Variants in KLHDC1 observed in about 807,000 individuals in gnomAD.
KLHDC1 encodes kelch domain containing 1.
KLHDC1 carries 53 observed loss-of-function variants against 68.3 expected under a neutral mutation model. That is an observed-to-expected ratio of 0.78 (90% CI 0.62 to 0.98). The LOEUF (loss-of-function observed/expected upper bound fraction) is 0.98. KLHDC1 is among the 50% of genes least tolerant of loss of function. KLHDC1 has a pLI of 0.00. For missense variants in KLHDC1, 470 were observed against 492.3 expected (o/e 0.95, Z 0.43); for synonymous variants, 148 against 159.0 (o/e 0.93, Z 0.52).
At position 49,725,674 on chromosome 14, in the gene KLHDC1, TTTCTC is replaced by T. The variant is rs1255281386; in HGVS notation, c.484-9_484-5del. On this transcript the variant is annotated splice_region_variant and splice_polypyrimidine_tract_variant and intron_variant, in intron 5 of 12. Transcript: ENST00000359332. ...TTAAAGCTTTGAGATATTTAAAACA[TTTCTC>T]TTTTAGGAAGAGCAGATATTCTGGG... The T allele has an allele frequency of 8.4e-7, 1 of 1,190,552 alleles. No individual in the cohort carries two copies. Among genetic ancestry groups the T allele is most frequent in the Non-Finnish European group, 1.1e-6 (1 of 893,248 alleles). The allele number at this position is 1,190,552 out of a possible 1,614,324, so 73.7% of individuals were successfully genotyped here. A position where few individuals can be genotyped will look rare whatever the true frequency, so the allele number is the denominator to read the frequency against.
chr14:49,695,683 C>G (rs940380224), intron 1 of KLHDC1, among the ~76,000 whole-genome samples: 2 of 152,178 alleles, frequency 1.3e-5, no homozygotes, highest in African/African-American at 4.8e-5. Context: ...TTAGCTGGTC[C>G]TTTGAAATTG....
chr14:49,713,825 TA>T (rs1888283569), intron 4 of KLHDC1, among the ~76,000 whole-genome samples: 38 of 3,532 alleles, frequency 0.011, 3 homozygotes, highest in Non-Finnish European at 0.024. Flanking sequence ...TATATATATA[TA>T]TATATATATA....
Position 49,725,716 on chromosome 14 carries a change from GA to G in KLHDC1, c.515del (p.Asp172ValfsTer50). On this transcript the variant is annotated frameshift_variant, in exon 6 of 13. Transcript: ENST00000359332. LOFTEE classifies it high-confidence loss of function. ...EEQIFWGWHN[D>X]VHIFDTKTQT... ...GCAGATATTCTGGGGATGGCATAAT[GA>G]TGTCCACATATTTGACACAAAGACA... 4.1e-6 allele frequency: 6 copies of G among 1,464,810 alleles called. No homozygotes were observed. Among genetic ancestry groups the G allele is most frequent in the Non-Finnish European group, 5.4e-6 (6 of 1,104,000 alleles). 90.7% of individuals were successfully genotyped at this position (1,464,810 alleles called of 1,614,324 possible).
intron 1 of KLHDC1, among the ~76,000 whole-genome samples, chr14:49,693,742 C>CTTTTTTTTTT (rs1566589138): frequency 1.6e-5 from 1 of 60,974 alleles, no homozygotes; most frequent in African/African-American, 5.4e-5. Context: ...ATTTTCTTTT[C>CTTTTTTTTTT]TTTTTCTTTT....
At chr14:49,741,478 T>C (rs1889065194) in intron 11 of KLHDC1, among the ~76,000 whole-genome samples, 1 of 152,000 alleles carries the variant, frequency 6.6e-6, no homozygotes, top group Non-Finnish European at 1.5e-5. Flanking sequence ...GCTAATTTTT[T>C]GTATTTTTAG....
intron 11 of KLHDC1, among the ~76,000 whole-genome samples, chr14:49,741,624 A>AT (rs1283680451): frequency 1.3e-5 from 2 of 151,944 alleles, no homozygotes; most frequent in Admixed American, 1.3e-4. Flanking sequence ...TTTTTACTAT[A>AT]TATCTTTTAC....
At chr14:49,744,305 TG>T (rs1333753339) in intron 12 of KLHDC1, among the ~76,000 whole-genome samples, 4 of 5,364 alleles carry the variant, frequency 7.5e-4, no homozygotes, top group Non-Finnish European at 3.8e-3. Flanking sequence ...TGTGTGTGTG[TG>T]TGTGTGTGTG....
chr14:49,729,010 G>A lies in KLHDC1; in HGVS notation c.651+1G>A. ...TTATATCTTTGGCGGACGTGTTCTG[G>A]TTAGTGTTTTTAATGGAAATGGTAT... On this transcript the variant is annotated splice_donor_variant, in intron 7 of 12. Coordinates refer to ENST00000359332, the MANE Select transcript of KLHDC1 (RefSeq NM_172193.3). LOFTEE classifies it high-confidence loss of function. The A allele has an allele frequency of 6.2e-7, 1 of 1,603,786 alleles. No individual in the cohort carries two copies. Among genetic ancestry groups the A allele is most frequent in the Non-Finnish European group, 8.5e-7 (1 of 1,170,790 alleles).
At chr14:49,749,433 C>T (rs936588917) in intron 12 of KLHDC1, among the ~76,000 whole-genome samples, 3 of 151,870 alleles carry the variant, frequency 2.0e-5, no homozygotes, top group Non-Finnish European at 2.9e-5. Context: ...TTTGGGAGGT[C>T]AAGGCAGGTG....
chr14:49,725,953 T>G (rs1047424099), intron 6 of KLHDC1, among the ~76,000 whole-genome samples, 184 bp downstream of exon 6: 1 of 152,108 alleles, frequency 6.6e-6, no homozygotes, highest in Non-Finnish European at 1.5e-5. Flanking sequence ...GTTCAGGTGG[T>G]TCTCCTGCCT....
intron 10 of KLHDC1, among the ~76,000 whole-genome samples, chr14:49,735,467 T>C (rs1317640633): frequency 6.6e-6 from 1 of 152,128 alleles, no homozygotes; most frequent in Non-Finnish European, 1.5e-5. Flanking sequence ...GGCCTGAAAA[T>C]ATTTATATTT....
intron 12 of KLHDC1, among the ~76,000 whole-genome samples, chr14:49,745,821 C>G (rs1046498329): frequency 6.6e-6 from 1 of 152,174 alleles, no homozygotes; most frequent in Non-Finnish European, 1.5e-5. Context: ...CATATGTCAT[C>G]TAGAACTTTA....
At chr14:49,701,659 C>CA (rs1240042954) in intron 1 of KLHDC1, among the ~76,000 whole-genome samples, 2 of 151,490 alleles carry the variant, frequency 1.3e-5, no homozygotes, top group Non-Finnish European at 1.5e-5. Context: ...AACTCCGTAT[C>CA]AAAAAAACAA....
At chr14:49,711,202 AT>A (rs1478177472) in intron 4 of KLHDC1, among the ~76,000 whole-genome samples, 2 of 148,144 alleles carry the variant, frequency 1.4e-5, no homozygotes, top group Admixed American at 1.4e-4. Context: ...TTGTTTGTTT[AT>A]TTATTTATTT....
chr14:49,743,399 CAAAA>C (rs956715386), intron 11 of KLHDC1, among the ~76,000 whole-genome samples: 1 of 68,768 alleles, frequency 1.5e-5, no homozygotes, highest in Admixed American at 1.8e-4. Context: ...GACTCCATCT[CAAAA>C]AAAAAAAAAA....
intron 1 of KLHDC1, among the ~76,000 whole-genome samples, chr14:49,698,705 G>A (rs189007798): frequency 1.1e-3 from 168 of 151,456 alleles, no homozygotes; most frequent in Middle Eastern, 3.4e-3. Flanking sequence ...TAGTAGAGAC[G>A]GAGTTTTGCC....
intron 12 of KLHDC1, among the ~76,000 whole-genome samples, chr14:49,750,062 G>GA (rs913913699): frequency 2.0e-5 from 3 of 150,854 alleles, no homozygotes; most frequent in Non-Finnish European, 4.4e-5. Context: ...TCCATCTCAG[G>GA]AAAAAAAAAT....
chr14:49,722,072 T>G (rs1888539959), intron 4 of KLHDC1, among the ~76,000 whole-genome samples: 1 of 152,214 alleles, frequency 6.6e-6, no homozygotes, highest in East Asian at 1.9e-4. Context: ...TCCCTGAAGA[T>G]TATGCGAAAG....
chr14:49,695,777 A>G (rs1281695055), intron 1 of KLHDC1, among the ~76,000 whole-genome samples: 5 of 152,134 alleles, frequency 3.3e-5, no homozygotes, highest in Non-Finnish European at 5.9e-5. Context: ...TAAAAAATCT[A>G]TTGTTGGCCG....
Sources: gnomAD v4.1 joint callset for allele counts (sites outside exome capture counted in the v4.1 genomes callset) on GRCh38, gnomAD v4.1.1 for gene constraint, MANE v1.5 for transcripts, NCBI Gene and HGNC (gene_info 2026-07-23, HGNC 2026-07-21) for gene names.